Variants in STAP1 observed in about 807,000 individuals in gnomAD.
STAP1 encodes the protein signal transducing adaptor family member 1.
A neutral mutation model predicts 37.8 loss-of-function variants in STAP1; 30 were observed. The observed-to-expected ratio is 0.79, with a 90% CI of 0.59 to 1.08. The LOEUF is 1.08. Ranked by LOEUF, STAP1 falls within the 50% of genes least tolerant of loss-of-function variation. The pLI, the probability that STAP1 is intolerant of heterozygous loss-of-function variation, is 0.00. For missense variants in STAP1, 357 were observed against 349.4 expected (o/e 1.02, Z -0.17); for synonymous variants, 130 against 116.0 (o/e 1.12, Z -0.78).
At chr4:67,587,869 T>G in intron 6 of STAP1, among the ~76,000 whole-genome samples, 1 of 151,216 alleles carries the variant, frequency 6.6e-6, no homozygotes, top group Non-Finnish European at 1.5e-5. Context: ...TACAAGCATG[T>G]GCCACCACGC....
At chr4:67,593,942 A>C (rs1577766430) in intron 8 of STAP1, among the ~76,000 whole-genome samples, 1 of 152,238 alleles carries the variant, frequency 6.6e-6, no homozygotes, top group African/African-American at 2.4e-5. Flanking sequence ...ATAAATTAAG[A>C]ATTTCAAAAA....
chr4:67,585,675 A>G (rs1727965037), intron 6 of STAP1, among the ~76,000 whole-genome samples: 1 of 152,260 alleles, frequency 6.6e-6, no homozygotes, highest in Non-Finnish European at 1.5e-5. Context: ...GAAATACAGT[A>G]GAAAATAATA....
intron 6 of STAP1, among the ~76,000 whole-genome samples, 193 bp downstream of exon 6, chr4:67,583,895 G>A (rs866142987): frequency 3.9e-5 from 6 of 152,016 alleles, no homozygotes; most frequent in Middle Eastern, 3.4e-3. Context: ...TCAGGATATC[G>A]AGACTACCCT....
intron 2 of STAP1, 21 bp from the exon 3 acceptor site, chr4:67,575,364 G>A: frequency 6.7e-7 from 1 of 1,493,944 alleles, no homozygotes; most frequent in Non-Finnish European, 9.1e-7. Flanking sequence ...AATGTAATGT[G>A]ATCTTCCTTT....
At chr4:67,570,628 C>T (rs1033058660) in intron 1 of STAP1, among the ~76,000 whole-genome samples, 1 of 150,866 alleles carries the variant, frequency 6.6e-6, no homozygotes, top group African/African-American at 2.4e-5. Flanking sequence ...TACCACTACG[C>T]TCCAGCCTGG....
chr4:67,601,276 A>G (rs752016328), intron 8 of STAP1, among the ~76,000 whole-genome samples: 5 of 152,090 alleles, frequency 3.3e-5, no homozygotes, highest in Non-Finnish European at 7.4e-5. Flanking sequence ...CTATGTACCC[A>G]CACTTTTAAA....
intron 7 of STAP1, among the ~76,000 whole-genome samples, chr4:67,591,957 A>G (rs1728127553): frequency 6.6e-6 from 1 of 152,220 alleles, no homozygotes; most frequent in East Asian, 1.9e-4. Flanking sequence ...CAAGCAATGG[A>G]CAAGGAAGAA....
At chr4:67,564,528 G>A (rs1727422163) in intron 1 of STAP1, among the ~76,000 whole-genome samples, 1 of 152,112 alleles carries the variant, frequency 6.6e-6, no homozygotes, top group African/African-American at 2.4e-5. Flanking sequence ...GTAGTTATGA[G>A]GCTGATTAGG....
intron 2 of STAP1, among the ~76,000 whole-genome samples, chr4:67,574,600 A>G (rs534881794): frequency 6.6e-6 from 1 of 152,138 alleles, no homozygotes; most frequent in South Asian, 2.1e-4. Context: ...GCATATTAAC[A>G]TTTTTTCCTT....
intron 1 of STAP1, among the ~76,000 whole-genome samples, chr4:67,562,104 G>A (rs1391631068): frequency 5.7e-5 from 8 of 141,348 alleles, no homozygotes; most frequent in East Asian, 2.1e-4. Flanking sequence ...AAGAAAGAGA[G>A]AAAGAAAGAA....
chr4:67,571,856 A>G (rs1026508915), intron 2 of STAP1, among the ~76,000 whole-genome samples: 1 of 152,236 alleles, frequency 6.6e-6, no homozygotes, highest in Non-Finnish European at 1.5e-5. Flanking sequence ...TTAGAAGCCA[A>G]CATCTAATGA....
chr4:67,558,730 C>G lies in STAP1; in HGVS notation c.-80C>G. ...AGCAATTTGGGACTTCCTCTTTGAA[C>G]AGTTGCCTTTTCCTCTCACAGAAGG... On this transcript the variant is annotated 5_prime_UTR_variant, in exon 1 of 9. Coordinates refer to ENST00000265404, the MANE Select transcript of STAP1 (RefSeq NM_012108.4). 1 of 1,543,708 alleles carries G rather than the reference C, an allele frequency of 6.5e-7. No individual in the cohort carries two copies. Among genetic ancestry groups the G allele is most frequent in the Non-Finnish European group, 8.7e-7 (1 of 1,146,226 alleles).
Position 67,560,827 on chromosome 4 carries a change from T to A in STAP1, c.120+1898T>A, listed in dbSNP as rs141634586. 5.9e-5 allele frequency among the ~76,000 whole-genome samples: 9 copies of A among 152,286 alleles called. No homozygotes were observed. The East Asian group carries it at 1.7e-3, about 29-fold the overall frequency. On this transcript the variant is annotated intron_variant, in intron 1 of 8. Transcript: ENST00000265404. ...CCACACCCGGCTAACGTTTGTATTGTTTATAGAGACAGGGTTTCATCACGT... is the reference window on the plus strand; with the variant it reads ...CCACACCCGGCTAACGTTTGTATTGATTATAGAGACAGGGTTTCATCACGT...
At chr4:67,583,259 T>A (rs1048968057) in intron 5 of STAP1, among the ~76,000 whole-genome samples, 2 of 152,228 alleles carry the variant, frequency 1.3e-5, no homozygotes, top group African/African-American at 4.8e-5. Flanking sequence ...ACTTATCAAC[T>A]GAGACTGGGG....
intron 8 of STAP1, among the ~76,000 whole-genome samples, chr4:67,602,723 C>T (rs1369566544): frequency 6.6e-6 from 1 of 150,968 alleles, no homozygotes; most frequent in African/African-American, 2.4e-5. Flanking sequence ...TCCCCACCTC[C>T]TCTCTCTCTC....
Position 67,595,372 on chromosome 4 carries a change from C to CAA in STAP1, c.826+2044_826+2045dup, listed in dbSNP as rs34185676. 4.1e-3 allele frequency among the ~76,000 whole-genome samples: 362 copies of CAA among 87,748 alleles called. 15 individuals are homozygous for CAA. The highest frequency in any genetic ancestry group is 0.033 in the East Asian group (73 of 2,210). 57.6% of individuals were successfully genotyped at this position (87,748 alleles called of 152,430 possible). On this transcript the variant is annotated intron_variant, in intron 8 of 8. Transcript: ENST00000265404. ...GCAACATAGGGAGACTTCGTTTCTACAAAAAAAAAAAAAAAAAAAAAAAAA... is the reference window on the plus strand; with the variant it reads ...GCAACATAGGGAGACTTCGTTTCTACAAAAAAAAAAAAAAAAAAAAAAAAAAA...
chr4:67,600,745 C>A (rs1039068448), intron 8 of STAP1, among the ~76,000 whole-genome samples: 1 of 151,964 alleles, frequency 6.6e-6, no homozygotes, highest in Non-Finnish European at 1.5e-5. Flanking sequence ...TATATAATGA[C>A]CTTTCTTTTT....
intron 4 of STAP1, among the ~76,000 whole-genome samples, chr4:67,580,159 T>C (rs570041876): frequency 2.6e-5 from 4 of 152,196 alleles, no homozygotes; most frequent in Admixed American, 2.6e-4. Flanking sequence ...CGCCCTCCCG[T>C]ATAACAATAC....
chr4:67,568,864 T>A (rs537067427), intron 1 of STAP1, among the ~76,000 whole-genome samples: 1 of 152,378 alleles, frequency 6.6e-6, no homozygotes, highest in African/African-American at 2.4e-5. Flanking sequence ...GGCCCTTCAC[T>A]GGTCCATCTG....
Sources: gnomAD v4.1 joint callset for allele counts (sites outside exome capture counted in the v4.1 genomes callset) on GRCh38, gnomAD v4.1.1 for gene constraint, MANE v1.5 for transcripts, NCBI Gene and HGNC (gene_info 2026-07-23, HGNC 2026-07-21) for gene names.